The following CSMD1 variants were observed in gnomAD, a reference collection of about 807,000 sequenced individuals.
CSMD1 encodes the protein CUB and Sushi multiple domains 1, also known as CUB and sushi domain-containing protein 1.
In CSMD1, 213 loss-of-function variants were observed where a neutral mutation model predicts 417.5. The observed-to-expected ratio is 0.51, with a 90% CI of 0.46 to 0.57. CSMD1 has a LOEUF of 0.57. Among genes scored for constraint, CSMD1 ranks in the 20% least tolerant of loss-of-function variants. The pLI, the probability that CSMD1 is intolerant of heterozygous loss-of-function variation, is 0.00. For synonymous variants in CSMD1, 2,862 were observed against 1,736.8 expected (o/e 1.65, Z -16.11); for missense variants, 6,923 against 4,529.7 (o/e 1.53, Z -15.17).
chr8:3,326,946 G>T (rs1461539967), intron 23 of CSMD1, among the ~76,000 whole-genome samples: 1 of 152,044 alleles, frequency 6.6e-6, no homozygotes, highest in Non-Finnish European at 1.5e-5. Flanking sequence ...GGAGGAAGAG[G>T]TGGGAGGATA....
chr8:4,292,240 C>CGTT lies in CSMD1; in HGVS notation c.415+127712_415+127713insAAC, dbSNP rs575392122. Among the ~76,000 whole-genome samples, 1,409 of 152,060 alleles carry CGTT rather than the reference C, an allele frequency of 9.3e-3. 23 individuals carry two copies. Among genetic ancestry groups the CGTT allele is most frequent in the African/African-American group, 0.033 (1,363 of 41,482 alleles). ...CTTACTTTCCAAAGAATTTTGTTGT[C>CGTT]GTCGTTGTTGTTGTTGTTTAGTTTT... On this transcript the variant is annotated intron_variant, in intron 3 of 69. Transcript: ENST00000635120.
intron 28 of CSMD1, 77 bp downstream of exon 28, chr8:3,223,650 ATG>A (rs1798334420): frequency 1.4e-6 from 2 of 1,431,174 alleles, no homozygotes; most frequent in African/African-American, 2.9e-5. Flanking sequence ...ATTAGAGACT[ATG>A]AGGTCATAAA....
chr8:4,376,895 A>G (rs959589299), intron 3 of CSMD1, among the ~76,000 whole-genome samples: 3 of 152,044 alleles, frequency 2.0e-5, no homozygotes, highest in African/African-American at 4.8e-5. Flanking sequence ...TGGATTTTGT[A>G]TTTTGGACAC....
intron 2 of CSMD1, among the ~76,000 whole-genome samples, chr8:4,507,067 G>A (rs1240861029): frequency 6.6e-6 from 1 of 152,050 alleles, no homozygotes; most frequent in Non-Finnish European, 1.5e-5. Flanking sequence ...CACATATTTA[G>A]TAATGCTTAT....
At chr8:3,888,498 G>A (rs768337788) in intron 5 of CSMD1, among the ~76,000 whole-genome samples, 7 of 152,154 alleles carry the variant, frequency 4.6e-5, no homozygotes, top group Non-Finnish European at 1.0e-4. Context: ...TAGCTCAAAT[G>A]AAACACAAAG....
intron 10 of CSMD1, among the ~76,000 whole-genome samples, chr8:3,569,631 G>C (rs995321): frequency 0.79 from 120,568 of 152,134 alleles, 48,929 homozygotes; most frequent in Non-Finnish European, 0.89. Context: ...GAAACTTTAT[G>C]TAACTGTTTC....
chr8:2,941,348 G>C (rs189813257), intron 69 of CSMD1, among the ~76,000 whole-genome samples: 1 of 152,176 alleles, frequency 6.6e-6, no homozygotes, highest in East Asian at 1.9e-4. Context: ...ATAATATCAT[G>C]ACAGTTTTTC....
At chr8:3,268,883 T>G (rs2117136783) in intron 26 of CSMD1, among the ~76,000 whole-genome samples, 1 of 152,260 alleles carries the variant, frequency 6.6e-6, no homozygotes, top group East Asian at 1.9e-4. Flanking sequence ...TGAGCTGGAT[T>G]CATATTAGCA....
chr8:3,513,606 G>C (rs140362363), intron 10 of CSMD1, among the ~76,000 whole-genome samples: 1 of 152,244 alleles, frequency 6.6e-6, no homozygotes, highest in East Asian at 1.9e-4. Flanking sequence ...CAATGCCCCA[G>C]AAAACATGGT....
chr8:3,872,910 C>A (rs181283068), intron 5 of CSMD1, among the ~76,000 whole-genome samples: 147 of 150,042 alleles, frequency 9.8e-4, no homozygotes, highest in African/African-American at 3.4e-3. Flanking sequence ...ACAGACACTT[C>A]TGAAAATAAG....
intron 55 of CSMD1, among the ~76,000 whole-genome samples, chr8:2,975,351 A>G (rs1357246004): frequency 6.6e-6 from 1 of 152,230 alleles, no homozygotes. Context: ...TACAGTATCA[A>G]ATGAGGGCTA....
At chr8:4,336,250 T>C (rs1246169997) in intron 3 of CSMD1, among the ~76,000 whole-genome samples, 1 of 152,176 alleles carries the variant, frequency 6.6e-6, no homozygotes, top group Non-Finnish European at 1.5e-5. Context: ...TTAAAGGTCT[T>C]GCTCGTCCAA....
intron 10 of CSMD1, among the ~76,000 whole-genome samples, chr8:3,512,979 C>G (rs779480815): frequency 1.3e-5 from 2 of 152,030 alleles, no homozygotes. Context: ...AAGAAGTCTC[C>G]GTCCCTATGA....
intron 3 of CSMD1, among the ~76,000 whole-genome samples, chr8:4,354,258 C>T (rs944800345): frequency 1.3e-5 from 2 of 152,224 alleles, no homozygotes; most frequent in East Asian, 1.9e-4. Context: ...TTGTAGATCA[C>T]GGTGTTATTT....
chr8:4,534,752 ATTTC>A (rs775785166), intron 2 of CSMD1, among the ~76,000 whole-genome samples: 11 of 151,564 alleles, frequency 7.3e-5, no homozygotes, highest in Admixed American at 2.0e-4. Context: ...TCCACGTACA[ATTTC>A]TTTCTTTCTT....
chr8:4,736,454 C>T (rs921610712), intron 1 of CSMD1, among the ~76,000 whole-genome samples: 49 of 151,880 alleles, frequency 3.2e-4, no homozygotes, highest in African/African-American at 1.2e-3. Flanking sequence ...AGCAGCAGGC[C>T]CCTCAGGTGG....
chr8:3,650,450 C>G (rs1339487117), intron 7 of CSMD1, among the ~76,000 whole-genome samples: 1 of 152,080 alleles, frequency 6.6e-6, no homozygotes, highest in Admixed American at 6.6e-5. Flanking sequence ...GAAAACTCAT[C>G]GAAGAACTCA....
At chr8:3,704,095 G>C (rs568010367) in intron 7 of CSMD1, among the ~76,000 whole-genome samples, 7 of 152,118 alleles carry the variant, frequency 4.6e-5, no homozygotes, top group Non-Finnish European at 1.5e-5. Flanking sequence ...AAAAAACTTA[G>C]CTCTCTTAAG....
chr8:4,279,368 C>G (rs560955369), intron 3 of CSMD1, among the ~76,000 whole-genome samples: 2 of 152,206 alleles, frequency 1.3e-5, no homozygotes, highest in African/African-American at 4.8e-5. Flanking sequence ...GACATCTCAA[C>G]AGAATGTCAA....
Sources: gnomAD v4.1 joint callset for allele counts (sites outside exome capture counted in the v4.1 genomes callset) on GRCh38, gnomAD v4.1.1 for gene constraint, MANE v1.5 for transcripts, NCBI Gene and HGNC (gene_info 2026-07-23, HGNC 2026-07-21) for gene names.